BTBD7: variants seen among roughly 807,000 people sequenced by gnomAD.
The protein encoded by BTBD7 is BTB domain containing 7.
Under a neutral mutation model 99.9 loss-of-function variants are expected in BTBD7, and 38 were observed. The observed-to-expected ratio is 0.38, with a 90% CI of 0.29 to 0.50. The LOEUF (loss-of-function observed/expected upper bound fraction) is 0.50, where lower values mean the gene tolerates loss of function less well. Among genes scored for constraint, BTBD7 ranks in the 20% least tolerant of loss-of-function variants. The pLI is 0.93. For synonymous variants in BTBD7, 520 were observed against 511.4 expected, an observed-to-expected ratio of 1.02 and a Z score of -0.23; for missense variants, 1,170 against 1,394.6, an observed-to-expected ratio of 0.84 and a Z score of 2.57.
chr14:93,312,146 C>T, intron 1 of BTBD7, among the ~76,000 whole-genome samples: 1 of 152,176 alleles, frequency 6.6e-6, no homozygotes, highest in Admixed American at 6.5e-5. Context: ...TAACTTCCTT[C>T]TCCTGTCTCT....
At chr14:93,286,954 T>C (rs2052785597) in intron 3 of BTBD7, among the ~76,000 whole-genome samples, 1 of 151,552 alleles carries the variant, frequency 6.6e-6, no homozygotes, top group Non-Finnish European at 1.5e-5. Flanking sequence ...AAGTTAATTC[T>C]GGGCCAGGCA....
At chr14:93,249,401 T>A (rs1428127489) in intron 8 of BTBD7, among the ~76,000 whole-genome samples, 1 of 142,650 alleles carries the variant, frequency 7.0e-6, no homozygotes, top group African/African-American at 2.6e-5. Context: ...GCAGGAAGAG[T>A]GTGAAGAGAG....
At position 93,332,907 on chromosome 14, in the gene BTBD7, C is replaced by T. The variant is rs1208365521; in HGVS notation, c.-194G>A. On this transcript the variant is annotated 5_prime_UTR_variant, in exon 1 of 11. Coordinates refer to ENST00000334746, the MANE Select transcript of BTBD7 (RefSeq NM_001002860.4). Reference sequence around the variant, plus strand: ...CCGCCACCAGCACCGCCGTCCGCACCGGCGCCAGCACCCCCGGCCATCCTC... The same window carrying T: ...CCGCCACCAGCACCGCCGTCCGCACTGGCGCCAGCACCCCCGGCCATCCTC... 6 of 1,333,010 alleles carry T rather than the reference C, an allele frequency of 4.5e-6. No individual in the cohort carries two copies. The highest frequency in any genetic ancestry group is 1.4e-5 in the South Asian group (1 of 70,674). The allele number at this position is 1,333,010 out of a possible 1,614,324, so 82.6% of individuals were successfully genotyped here. A position where few individuals can be genotyped will look rare whatever the true frequency, so the allele number is the denominator to read the frequency against.
chr14:93,306,116 C>T (rs1465115875), intron 1 of BTBD7, among the ~76,000 whole-genome samples: 1 of 152,116 alleles, frequency 6.6e-6, no homozygotes, highest in Non-Finnish European at 1.5e-5. Context: ...ATATGAGGTC[C>T]TTATCATAGA....
In BTBD7 at chr14:93,240,737, A is replaced by C. The variant is rs2052216123; in HGVS notation, c.*1536T>G. On this transcript the variant is annotated 3_prime_UTR_variant, in exon 11 of 11. Transcript: ENST00000334746. ...CATATATTTACATTGGAGAGTAAGA[A>C]AAAAAACAGTCCTTAGCTCACACAT... 6.6e-6 allele frequency: 1 copy of C among 152,618 alleles called. No individual in the cohort carries two copies. Among genetic ancestry groups the C allele is most frequent in the Non-Finnish European group, 1.5e-5 (1 of 68,028 alleles). The allele number at this position is 152,618 out of a possible 1,614,324, so 9.5% of individuals were successfully genotyped here.
At chr14:93,289,332 C>T (rs2052819099) in intron 3 of BTBD7, among the ~76,000 whole-genome samples, 1 of 152,206 alleles carries the variant, frequency 6.6e-6, no homozygotes, top group Admixed American at 6.5e-5. Context: ...GGGAAAGGGT[C>T]TGATCCCTCA....
chr14:93,294,694 G>A lies in BTBD7; in HGVS notation c.326C>T (p.Ser109Leu), dbSNP rs779189438. ...NALVEEYEGT[S>L]ALKELSLQAS... ...TTGTAGAGAAAGCTCCTTTAATGCTGATGTTCCCTCATATTCCTCCACTAA... is the reference window on the plus strand; with the variant it reads ...TTGTAGAGAAAGCTCCTTTAATGCTAATGTTCCCTCATATTCCTCCACTAA... Residue 109 changes from serine to leucine, a missense_variant, in exon 3 of 11, where the codon TCA becomes TTA. Coordinates refer to ENST00000334746, the MANE Select transcript of BTBD7 (RefSeq NM_001002860.4). 1.9e-6 allele frequency: 3 copies of A among 1,614,102 alleles called. No homozygotes were observed. Among genetic ancestry groups the A allele is most frequent in the Non-Finnish European group, 2.5e-6 (3 of 1,180,032 alleles).
chr14:93,253,659 C>A lies in BTBD7; in HGVS notation c.1740G>T (p.Val580=). The A allele has an allele frequency of 1.2e-6, 2 of 1,609,142 alleles. No homozygotes were observed. The highest frequency in any genetic ancestry group is 1.7e-6 in the Non-Finnish European group (2 of 1,176,592). Residue 580 remains valine (V), a synonymous_variant, in exon 7 of 11, where the codon GTG becomes GTT. Transcript: ENST00000334746. ...YVRPRLFSPY[V]EEAKSVLDEM... is the part of the protein sequence containing the mutation. ...TGGTTTTCATTACCTTTGCTTCTTC[C>A]ACATAGGGAGAGAAGAGTCGAGGAC...
chr14:93,267,858 T>C (rs2139714002), intron 3 of BTBD7, among the ~76,000 whole-genome samples: 1 of 152,342 alleles, frequency 6.6e-6, no homozygotes, highest in Middle Eastern at 3.4e-3. Context: ...ATTATTGAAA[T>C]GGCTTTTAAA....
rs775834733 is a variant in BTBD7, at chr14:93,295,996, T to C, written c.56A>G (p.Asn19Ser). 49 of 1,613,942 alleles carry C rather than the reference T, an allele frequency of 3.0e-5. 2 individuals carry two copies. The South Asian group carries it at 4.7e-4, about 16-fold the overall frequency. The stretch of plus-strand genomic sequence containing the variant: ...TATAAAAGTCTGTTGGGCCTGTGAA[T>C]TTCCCCCTACCCTCGGGGAACATGA... ...PHSCSPRVGG[N>S]SQAQQTFIGT... Residue 19 changes from asparagine to serine, a missense_variant, in exon 2 of 11, where the codon AAT becomes AGT. Asn to Ser is a conservative substitution (Grantham distance 46). Transcript: ENST00000334746.
intron 1 of BTBD7, among the ~76,000 whole-genome samples, chr14:93,322,598 T>G (rs2139825517): frequency 6.6e-6 from 1 of 152,346 alleles, no homozygotes; most frequent in South Asian, 2.1e-4. Context: ...AGCATTTACT[T>G]AATTTTCAAA....
intron 3 of BTBD7, among the ~76,000 whole-genome samples, chr14:93,284,458 C>CT (rs5810626): frequency 0.17 from 24,269 of 145,530 alleles, 2,010 homozygotes; most frequent in East Asian, 0.31. Flanking sequence ...CCACTCCCCA[C>CT]TTTTTTTTTT....
At chr14:93,319,654 G>T (rs1373456084) in intron 1 of BTBD7, among the ~76,000 whole-genome samples, 1 of 152,140 alleles carries the variant, frequency 6.6e-6, no homozygotes. Flanking sequence ...GGGGCTGGGG[G>T]GAAATGCAGA....
intron 1 of BTBD7, among the ~76,000 whole-genome samples, chr14:93,304,996 A>G (rs1446672354): frequency 6.6e-6 from 1 of 152,232 alleles, no homozygotes; most frequent in East Asian, 1.9e-4. Flanking sequence ...TCATGAAGAC[A>G]GTTCAAATTC....
chr14:93,304,050 A>C (rs2053038721), intron 1 of BTBD7, among the ~76,000 whole-genome samples: 1 of 152,222 alleles, frequency 6.6e-6, no homozygotes, highest in South Asian at 2.1e-4. Flanking sequence ...GTCTTCCCCA[A>C]AAGTCAGGAA....
intron 1 of BTBD7, among the ~76,000 whole-genome samples, chr14:93,297,365 C>T (rs2052941870): frequency 6.6e-6 from 1 of 152,188 alleles, no homozygotes; most frequent in African/African-American, 2.4e-5. Flanking sequence ...CTCTGGCGCC[C>T]AGGCTGGAGT....
intron 1 of BTBD7, among the ~76,000 whole-genome samples, chr14:93,323,734 C>CA (rs2053295799): frequency 6.6e-6 from 1 of 152,076 alleles, no homozygotes; most frequent in Non-Finnish European, 1.5e-5. Context: ...GAGGGGCAAG[C>CA]AAAAAACAAT....
chr14:93,326,623 G>A (rs11160113), intron 1 of BTBD7, among the ~76,000 whole-genome samples: 20,960 of 151,954 alleles, frequency 0.14, 2,037 homozygotes, highest in African/African-American at 0.28. Context: ...CCAATGGGGC[G>A]AAACCCTGTC....
chr14:93,332,618 G>A (rs979872865), intron 1 of BTBD7, among the ~76,000 whole-genome samples: 1 of 151,492 alleles, frequency 6.6e-6, no homozygotes, highest in African/African-American at 2.4e-5. Context: ...CACAGAGACC[G>A]GCCAGTCCGG....
Sources: gnomAD v4.1 joint callset for allele counts (sites outside exome capture counted in the v4.1 genomes callset) on GRCh38, gnomAD v4.1.1 for gene constraint, MANE v1.5 for transcripts, NCBI Gene and HGNC (gene_info 2026-07-23, HGNC 2026-07-21) for gene names.